The following ARFIP1 variants were observed in gnomAD, a reference collection of about 807,000 sequenced individuals.
ARFIP1 encodes the protein arfaptin-1.
ARFIP1 carries 24 observed loss-of-function variants against 42.5 expected under a neutral mutation model. The ratio of observed to expected loss-of-function variants is 0.57; its 90% CI spans 0.41 to 0.80. ARFIP1 has a LOEUF of 0.80. ARFIP1 is among the 30% of genes least tolerant of loss of function. The pLI is 0.00. For missense variants in ARFIP1, 354 were observed against 434.0 expected, an observed-to-expected ratio of 0.82 and a Z score of 1.64; for synonymous variants, 141 against 153.7, an observed-to-expected ratio of 0.92 and a Z score of 0.61.
rs942775847 is a variant in ARFIP1 at position 152,861,323 on chromosome 4, T to C, written c.94-2283T>C. ...TAGGAACTGTTTTGTTTCTATTCTT[T>C]ATAGCCACCTATTTTCATTTGCAGC... On this transcript the variant is annotated intron_variant, in intron 2 of 8. Transcript: ENST00000353617. Among the ~76,000 whole-genome samples the C allele has an allele frequency of 2.0e-5, 3 of 152,222 alleles. No homozygotes were observed. In the East Asian group the frequency reaches 5.8e-4, roughly 29 times the overall value.
chr4:152,861,617 A>T (rs1272969521), intron 2 of ARFIP1, among the ~76,000 whole-genome samples: 1 of 152,228 alleles, frequency 6.6e-6, no homozygotes, highest in African/African-American at 2.4e-5. Context: ...CATGTCACTT[A>T]ACTTGTCCTA....
chr4:152,829,860 T>C (rs993380723), intron 2 of ARFIP1, 134 bp downstream of exon 2: 3 of 636,342 alleles, frequency 4.7e-6, no homozygotes, highest in Non-Finnish European at 7.4e-6. Flanking sequence ...AATGTTATTA[T>C]ATAGGGATGA....
chr4:152,909,955 C>T (rs1286856792), intron 8 of ARFIP1, 109 bp from the exon 9 acceptor site: 3 of 1,388,002 alleles, frequency 2.2e-6, no homozygotes, highest in Non-Finnish European at 3.0e-6. Context: ...ATTAAGCCAG[C>T]TTTTCTTCAA....
chr4:152,878,313 T>C (rs1294989003), intron 5 of ARFIP1, among the ~76,000 whole-genome samples: 1 of 152,254 alleles, frequency 6.6e-6, no homozygotes, highest in Non-Finnish European at 1.5e-5. Context: ...TCTCTTCCAT[T>C]TTGAACTTGC....
chr4:152,814,999 T>C (rs1212574669), intron 1 of ARFIP1, among the ~76,000 whole-genome samples: 1 of 152,216 alleles, frequency 6.6e-6, no homozygotes, highest in Non-Finnish European at 1.5e-5. Flanking sequence ...GTAGGGTCTT[T>C]GTCATCAGTC....
chr4:152,789,445 C>T (rs963555619), intron 1 of ARFIP1, among the ~76,000 whole-genome samples: 1 of 152,116 alleles, frequency 6.6e-6, no homozygotes, highest in Non-Finnish European at 1.5e-5. Flanking sequence ...GACTACTTGG[C>T]TTGAGATAAT....
At chr4:152,900,002 T>G (rs542368152) in intron 8 of ARFIP1, among the ~76,000 whole-genome samples, 1 of 152,208 alleles carries the variant, frequency 6.6e-6, no homozygotes, top group Non-Finnish European at 1.5e-5. Context: ...TATAATACAA[T>G]GCTGTAATGC....
chr4:152,890,003 G>T (rs1183042111), intron 8 of ARFIP1, among the ~76,000 whole-genome samples: 2 of 148,372 alleles, frequency 1.3e-5, no homozygotes, highest in Admixed American at 6.8e-5. Flanking sequence ...TATAATGGAT[G>T]TGAATATATC....
At chr4:152,899,315 TC>T (rs2149907776) in intron 8 of ARFIP1, among the ~76,000 whole-genome samples, 1 of 152,232 alleles carries the variant, frequency 6.6e-6, no homozygotes, top group Non-Finnish European at 1.5e-5. Flanking sequence ...CTCTTTCTAT[TC>T]CCTATGACCT....
chr4:152,882,234 C>T (rs186504063), intron 6 of ARFIP1, among the ~76,000 whole-genome samples: 1 of 152,200 alleles, frequency 6.6e-6, no homozygotes, highest in Non-Finnish European at 1.5e-5. Context: ...GTCAGCTAGT[C>T]ACCAAGTTTA....
intron 1 of ARFIP1, among the ~76,000 whole-genome samples, chr4:152,812,825 A>G (rs1469959095): frequency 6.6e-6 from 1 of 152,108 alleles, no homozygotes; most frequent in Admixed American, 6.6e-5. Context: ...GTCATTCTAG[A>G]TTCCTCCTTC....
At position 152,872,599 on chromosome 4, in the gene ARFIP1, C is replaced by T. The variant is rs750711188; in HGVS notation, c.411+35C>T. 3 of 1,312,604 alleles carry T rather than the reference C, an allele frequency of 2.3e-6. No homozygotes were observed. The South Asian group carries it at 4.2e-5, about 18-fold the overall frequency. The allele number at this position is 1,312,604 out of a possible 1,614,324, so 81.3% of individuals were successfully genotyped here. A position where few individuals can be genotyped will look rare whatever the true frequency, so the allele number is the denominator to read the frequency against. Reference sequence around the variant, plus strand: ...TATTTAATGTTTCCACCCTAAATGGCTCTAAAAAAGTTCATTTATATGTTT... The same window carrying T: ...TATTTAATGTTTCCACCCTAAATGGTTCTAAAAAAGTTCATTTATATGTTT... On this transcript the variant is annotated intron_variant, in intron 5 of 8. Transcript: ENST00000353617.
At chr4:152,787,659 A>G (rs529586362) in intron 1 of ARFIP1, among the ~76,000 whole-genome samples, 1 of 152,382 alleles carries the variant, frequency 6.6e-6, no homozygotes, top group African/African-American at 2.4e-5. Context: ...TGGATGGTAC[A>G]GTGTATACAA....
At chr4:152,847,102 T>C (rs538674652) in intron 2 of ARFIP1, among the ~76,000 whole-genome samples, 2 of 147,292 alleles carry the variant, frequency 1.4e-5, no homozygotes, top group East Asian at 3.9e-4. Context: ...TTGCCTCGTA[T>C]GTTAATGTTT....
chr4:152,909,003 T>C (rs1309698204), intron 8 of ARFIP1, among the ~76,000 whole-genome samples: 1 of 151,914 alleles, frequency 6.6e-6, no homozygotes, highest in Non-Finnish European at 1.5e-5. Flanking sequence ...CAAATATTTT[T>C]ACATCATTTA....
At chr4:152,870,199 C>A (rs1158485994) in intron 3 of ARFIP1, among the ~76,000 whole-genome samples, 1 of 152,190 alleles carries the variant, frequency 6.6e-6, no homozygotes, top group Non-Finnish European at 1.5e-5. Context: ...TCTATGTCCA[C>A]ATTATGAATA....
chr4:152,854,588 A>G (rs1733270803), intron 2 of ARFIP1, among the ~76,000 whole-genome samples: 1 of 152,042 alleles, frequency 6.6e-6, no homozygotes, highest in South Asian at 2.1e-4. Context: ...TCGTTTCTCC[A>G]TTAGTTTGAA....
intron 3 of ARFIP1, among the ~76,000 whole-genome samples, chr4:152,869,650 A>T: frequency 6.6e-6 from 1 of 152,014 alleles, no homozygotes. Flanking sequence ...GCTGGTCTTG[A>T]ACTCCTGAGC....
chr4:152,816,383 C>A (rs1382298509), intron 1 of ARFIP1, among the ~76,000 whole-genome samples: 1 of 152,210 alleles, frequency 6.6e-6, no homozygotes, highest in Non-Finnish European at 1.5e-5. Flanking sequence ...AACCACCTGG[C>A]CTTCTTGCCA....
Sources: allele counts gnomAD v4.1 joint callset (sites outside exome capture counted in the v4.1 genomes callset), GRCh38; gene constraint gnomAD v4.1.1; transcripts MANE v1.5; gene names NCBI Gene and HGNC (gene_info 2026-07-23, HGNC 2026-07-21).